CAB39: variants seen among roughly 807,000 people sequenced by gnomAD.
CAB39 encodes the protein calcium-binding protein 39.
Under a neutral mutation model 40.0 loss-of-function variants are expected in CAB39, and 8 were observed. The observed-to-expected ratio is 0.20, with a 90% CI of 0.12 to 0.36. The LOEUF (loss-of-function observed/expected upper bound fraction) is 0.36, where lower values mean the gene tolerates loss of function less well. Ranked by LOEUF, CAB39 falls within the 10% of genes least tolerant of loss-of-function variation. The pLI, the probability that CAB39 is intolerant of heterozygous loss-of-function variation, is 1.00. For missense variants in CAB39, 270 were observed against 401.1 expected, an observed-to-expected ratio of 0.67 and a Z score of 2.79; for synonymous variants, 156 against 141.6, an observed-to-expected ratio of 1.10 and a Z score of -0.72.
chr2:230,736,779 A>T (rs1694794796), intron 1 of CAB39, among the ~76,000 whole-genome samples: 1 of 152,086 alleles, frequency 6.6e-6, no homozygotes, highest in South Asian at 2.1e-4. Context: ...GAAGTACCTG[A>T]GTTCAAGTTT....
intron 2 of CAB39, among the ~76,000 whole-genome samples, chr2:230,786,187 A>T (rs867989310): frequency 7.1e-6 from 1 of 140,948 alleles, no homozygotes; most frequent in Non-Finnish European, 1.5e-5. Context: ...AAAAAAAAAA[A>T]AGAGATGGAG....
chr2:230,750,127 A>G (rs376422527), intron 1 of CAB39, among the ~76,000 whole-genome samples: 1 of 152,372 alleles, frequency 6.6e-6, no homozygotes, highest in African/African-American at 2.4e-5. Flanking sequence ...CAAATATTCT[A>G]CAAATATGTG....
chr2:230,817,802 A>G lies in CAB39; in HGVS notation c.742A>G (p.Lys248Glu). ...TAGACACAACTTCACAATTATGACA[A>G]AATACATCAGTAAACCTGAGAACCT... ...LDRHNFTIMT[K>E]YISKPENLKL... The change falls in exon 8 of 9, where the codon AAA becomes GAA. Residue 248 changes from lysine to glutamate, a missense_variant. Lys to Glu is a moderately conservative substitution (Grantham distance 56, BLOSUM62 1). Coordinates refer to ENST00000258418, the MANE Select transcript of CAB39 (RefSeq NM_016289.4). The G allele has an allele frequency of 6.2e-7, 1 of 1,612,642 alleles. No individual in the cohort carries two copies.
At chr2:230,745,700 C>A (rs1694960983) in intron 1 of CAB39, among the ~76,000 whole-genome samples, 1 of 152,022 alleles carries the variant, frequency 6.6e-6, no homozygotes, top group South Asian at 2.1e-4. Flanking sequence ...CATCTCAGCT[C>A]ACGGCAACCT....
intron 2 of CAB39, among the ~76,000 whole-genome samples, chr2:230,771,921 A>G (rs1202212646): frequency 1.3e-5 from 2 of 152,208 alleles, no homozygotes; most frequent in Non-Finnish European, 2.9e-5. Context: ...CTCATACCAT[A>G]TTTAAAAATT....
chr2:230,815,848 G>A (rs1696390743), intron 7 of CAB39, among the ~76,000 whole-genome samples: 1 of 152,242 alleles, frequency 6.6e-6, no homozygotes, highest in Admixed American at 6.5e-5. Context: ...TTCAGCACCA[G>A]CCGTACTTTA....
chr2:230,799,616 A>G (rs1696050279), intron 5 of CAB39, among the ~76,000 whole-genome samples: 2 of 152,234 alleles, frequency 1.3e-5, no homozygotes, highest in South Asian at 2.1e-4. Flanking sequence ...GTCTTTTACA[A>G]TGAGAGCAAG....
At chr2:230,758,918 A>G (rs1036195540) in intron 1 of CAB39, among the ~76,000 whole-genome samples, 1 of 152,226 alleles carries the variant, frequency 6.6e-6, no homozygotes, top group Non-Finnish European at 1.5e-5. Context: ...GTAACTTCCA[A>G]CATGTTCCCA....
At chr2:230,748,827 AAAAAAT>A (rs1192764456) in intron 1 of CAB39, among the ~76,000 whole-genome samples, 31 of 56,474 alleles carry the variant, frequency 5.5e-4, no homozygotes, top group African/African-American at 8.8e-4. Flanking sequence ...AAAAAAAAAA[AAAAAAT>A]ATATATATAT....
rs535825051 is a variant in CAB39 at position 230,783,789 on chromosome 2, A to G, written c.115-7083A>G. ...AGTGCTGGGATTACAGGCATGAGCCACTGTGGCCTGCCTCAATTAAACACT... is the reference window on the plus strand; with the variant it reads ...AGTGCTGGGATTACAGGCATGAGCCGCTGTGGCCTGCCTCAATTAAACACT... On this transcript the variant is annotated intron_variant, in intron 2 of 8. Transcript: ENST00000258418. Among the ~76,000 whole-genome samples, 242 of 152,332 alleles carry G rather than the reference A, an allele frequency of 1.6e-3. 1 individual carries two copies. The highest frequency in any genetic ancestry group is 4.1e-3 in the Admixed American group (63 of 15,300).
intron 1 of CAB39, among the ~76,000 whole-genome samples, chr2:230,751,797 A>AC (rs952101313): frequency 6.6e-5 from 10 of 151,824 alleles, no homozygotes; most frequent in African/African-American, 2.4e-4. Context: ...CAGTACCAAA[A>AC]CCCCCCACAA....
At chr2:230,775,843 G>A (rs1408672150) in intron 2 of CAB39, among the ~76,000 whole-genome samples, 5 of 151,932 alleles carry the variant, frequency 3.3e-5, no homozygotes, top group African/African-American at 7.3e-5. Context: ...CCTTGTCCCC[G>A]TTCTTAAAAA....
intron 5 of CAB39, among the ~76,000 whole-genome samples, chr2:230,799,905 G>T (rs535410358): frequency 1.3e-5 from 2 of 151,572 alleles, no homozygotes; most frequent in South Asian, 4.2e-4. Context: ...CAGGAGAATC[G>T]CTTGAACCCA....
chr2:230,754,678 A>G (rs1695158807), intron 1 of CAB39, among the ~76,000 whole-genome samples: 1 of 151,994 alleles, frequency 6.6e-6, no homozygotes, highest in Non-Finnish European at 1.5e-5. Flanking sequence ...ACCACCATGC[A>G]CAGCTAATTT....
rs140011666 is a variant in CAB39, at chr2:230,760,630, T to G, written c.114+515T>G. Among the ~76,000 whole-genome samples the G allele has an allele frequency of 5.5e-3, 839 of 152,260 alleles. 3 individuals carry two copies. The highest frequency in any genetic ancestry group is 9.9e-3 in the Non-Finnish European group (672 of 68,020). On this transcript the variant is annotated intron_variant, in intron 2 of 8. Transcript: ENST00000258418. ...TGCCACAGTTACCTGATTCTTGAAATCGGTTCTTCCCCCACAATCTTCCTG... is the reference window on the plus strand; with the variant it reads ...TGCCACAGTTACCTGATTCTTGAAAGCGGTTCTTCCCCCACAATCTTCCTG...
chr2:230,814,296 C>T (rs1008660479), intron 7 of CAB39, among the ~76,000 whole-genome samples, 182 bp downstream of exon 7: 3 of 152,048 alleles, frequency 2.0e-5, no homozygotes, highest in Non-Finnish European at 4.4e-5. Context: ...GAGCACTTTC[C>T]TGCTTCCTAG....
intron 1 of CAB39, among the ~76,000 whole-genome samples, chr2:230,728,131 C>T (rs530938935): frequency 2.0e-5 from 3 of 152,006 alleles, no homozygotes; most frequent in Admixed American, 6.5e-5. Context: ...CCCAGCTACT[C>T]GGCGGCTGAG....
At chr2:230,715,902 G>T (rs1291142284) in intron 1 of CAB39, among the ~76,000 whole-genome samples, 1 of 152,182 alleles carries the variant, frequency 6.6e-6, no homozygotes, top group Non-Finnish European at 1.5e-5. Flanking sequence ...GTCTTGCCAT[G>T]TTTCCCAGGC....
At position 230,756,661 on chromosome 2, in the gene CAB39, GTTTATTTA is replaced by G. The variant is rs577181012; in HGVS notation, c.-43-3258_-43-3251del. Among the ~76,000 whole-genome samples the G allele has an allele frequency of 9.9e-3, 942 of 95,386 alleles. 10 individuals carry two copies. Among genetic ancestry groups the G allele is most frequent in the South Asian group, 0.029 (118 of 4,008 alleles). 62.6% of individuals were successfully genotyped at this position (95,386 alleles called of 152,430 possible). On this transcript the variant is annotated intron_variant, in intron 1 of 8. Transcript: ENST00000258418. The stretch of plus-strand genomic sequence containing the variant: ...TAAAGAGGATAGTTTCTAACTGTTT[GTTTATTTA>G]TTTATTTATTTATTTATTTATTTAT...
Sources: gnomAD v4.1 joint callset for allele counts (sites outside exome capture counted in the v4.1 genomes callset) on GRCh38, gnomAD v4.1.1 for gene constraint, MANE v1.5 for transcripts, NCBI Gene and HGNC (gene_info 2026-07-23, HGNC 2026-07-21) for gene names.